The following REV3L variants were observed in gnomAD, a reference collection of about 807,000 sequenced individuals.
REV3L encodes the protein REV3 like, DNA directed polymerase zeta catalytic subunit, also known as DNA polymerase zeta catalytic subunit.
Under a neutral mutation model 299.4 loss-of-function variants are expected in REV3L, and 69 were observed. The observed-to-expected ratio is 0.23, with a 90% CI of 0.19 to 0.28. REV3L has a LOEUF of 0.28. Among genes scored for constraint, REV3L ranks in the 10% least tolerant of loss-of-function variants. The pLI, the probability that REV3L is intolerant of heterozygous loss-of-function variation, is 1.00. For missense variants in REV3L, 3,128 were observed against 3,693.8 expected (o/e 0.85, Z 3.97); for synonymous variants, 1,238 against 1,271.4 (o/e 0.97, Z 0.56).
chr6:111,445,084 C>T (rs889122735), intron 1 of REV3L, among the ~76,000 whole-genome samples: 7 of 152,198 alleles, frequency 4.6e-5, no homozygotes, highest in South Asian at 2.1e-4. Flanking sequence ...AAGAAGCTCT[C>T]GGCATGTGGC....
chr6:111,362,628 G>A (rs1778809885), intron 16 of REV3L, among the ~76,000 whole-genome samples: 1 of 152,054 alleles, frequency 6.6e-6, no homozygotes, highest in African/African-American at 2.4e-5. Flanking sequence ...CTTTCAACAT[G>A]TAATCAATAT....
chr6:111,379,505 T>C (rs905435988), intron 11 of REV3L, among the ~76,000 whole-genome samples: 2 of 152,228 alleles, frequency 1.3e-5, no homozygotes, highest in Non-Finnish European at 1.5e-5. Context: ...TTCATTTATT[T>C]TGAGAAACAA....
At chr6:111,404,028 G>A (rs1783362933) in intron 4 of REV3L, among the ~76,000 whole-genome samples, 1 of 152,134 alleles carries the variant, frequency 6.6e-6, no homozygotes, top group African/African-American at 2.4e-5. Flanking sequence ...TGATGAAGGT[G>A]GATACACTAA....
chr6:111,356,949 TATC>T (rs1778153670), intron 18 of REV3L, 62 bp downstream of exon 18: 3 of 766,550 alleles, frequency 3.9e-6, no homozygotes, highest in Non-Finnish European at 6.3e-6. Context: ...TCTTCACTAT[TATC>T]TGCAATAGCA....
rs767275047 is a variant in REV3L, at chr6:111,358,975, G to A, written c.6919C>T (p.Arg2307Ter). ...TCCGGTTCTAAGTCTCGTCTAGTTC[G>A]AGCATGCAACTCCACACTGATTAGG... is the stretch of plus-strand genomic sequence containing the variant. The part of the protein sequence containing the change: ...LTLISVELHA[R>*]TRRDLEPDPE... The change falls in exon 17 of 32, where the codon CGA becomes TGA. Residue 2307 changes from arginine (R) to a stop codon, truncating the protein, a stop_gained. Coordinates refer to ENST00000368802, the MANE Select transcript of REV3L (RefSeq NM_001372078.1). LOFTEE classifies it high-confidence loss of function. 1 of 1,613,962 alleles carries A rather than the reference G, an allele frequency of 6.2e-7. No homozygotes were observed. The highest frequency in any genetic ancestry group is 8.5e-7 in the Non-Finnish European group (1 of 1,179,936).
At chr6:111,466,207 C>G (rs1170787158) in intron 1 of REV3L, among the ~76,000 whole-genome samples, 2 of 152,002 alleles carry the variant, frequency 1.3e-5, no homozygotes, top group South Asian at 2.1e-4. Context: ...GGGAAAAAAA[C>G]CTGATTCTTC....
chr6:111,375,930 T>C lies in REV3L; in HGVS notation c.2425A>G (p.Thr809Ala). The C allele has an allele frequency of 6.2e-7, 1 of 1,614,010 alleles. No individual in the cohort carries two copies. The change falls in exon 13 of 32, where the codon ACT becomes GCT. Residue 809 changes from threonine to alanine, a missense_variant. Physicochemically the swap from Thr to Ala is moderately conservative, Grantham distance 58. Coordinates refer to ENST00000368802, the MANE Select transcript of REV3L (RefSeq NM_001372078.1). The part of the protein sequence containing the change: ...FPSVVLSNCL[T>A]RPQKLSPVTY... ...ACAGGAGATAGTTTCTGTGGTCTAG[T>C]AAGACAGTTAGAAAGAACAACACTG...
intron 20 of REV3L, among the ~76,000 whole-genome samples, chr6:111,345,670 C>A (rs1453541686): frequency 6.6e-6 from 1 of 152,118 alleles, no homozygotes; most frequent in Non-Finnish European, 1.5e-5. Context: ...CCCCTTGATG[C>A]TCTGACCTCT....
chr6:111,387,616 A>C (rs1781475341), intron 9 of REV3L, 149 bp downstream of exon 9: 1 of 641,340 alleles, frequency 1.6e-6, no homozygotes, highest in African/African-American at 1.8e-5. Context: ...GAGATGTAGA[A>C]AGGGTGACAG....
At chr6:111,444,037 A>G (rs1190922926) in intron 1 of REV3L, among the ~76,000 whole-genome samples, 1 of 152,240 alleles carries the variant, frequency 6.6e-6, no homozygotes, top group Non-Finnish European at 1.5e-5. Context: ...CCTCTATAAA[A>G]TATGGGCAAA....
chr6:111,329,865 A>G, intron 24 of REV3L, 127 bp from the exon 25 acceptor site: 1 of 695,920 alleles, frequency 1.4e-6, no homozygotes, highest in East Asian at 2.7e-5. Context: ...CAGAGTGACC[A>G]TAGTATTAGT....
chr6:111,465,757 A>C (rs865942628), intron 1 of REV3L, among the ~76,000 whole-genome samples: 4 of 121,288 alleles, frequency 3.3e-5, no homozygotes, highest in Non-Finnish European at 6.2e-5. Flanking sequence ...AAAAAAAAAA[A>C]AAAAAAAAAC....
At chr6:111,379,662 C>A (rs1260595456) in intron 11 of REV3L, among the ~76,000 whole-genome samples, 1 of 152,228 alleles carries the variant, frequency 6.6e-6, no homozygotes, top group African/African-American at 2.4e-5. Context: ...TCAACTATCA[C>A]AGGGCATTCT....
chr6:111,355,376 G>A (rs1336376447), intron 18 of REV3L, among the ~76,000 whole-genome samples: 1 of 152,094 alleles, frequency 6.6e-6, no homozygotes, highest in Non-Finnish European at 1.5e-5. Flanking sequence ...ATTCAAGACA[G>A]AAACACAGTG....
Position 111,411,552 on chromosome 6 carries a change from G to T in REV3L, c.332C>A (p.Pro111His). ...VFKVSLVSGM[P>H]FYGYHEKERH... ...TTCCTTCTCATGATAACCATAAAAA[G>T]GCCTGAAATATAAGAAAAAAAATTT... is the stretch of plus-strand genomic sequence containing the variant. Residue 111 changes from proline (P) to histidine (H), a missense_variant and splice_region_variant, in exon 3 of 32, where the codon CCT (proline) becomes CAT (histidine). By Grantham distance (77) the Pro-to-His change is moderately conservative. Around this residue, in one of 9 missense-constraint regions of REV3L, gnomAD observed 2,409 missense variants for 2,611.8 expected, o/e 0.92. Transcript: ENST00000368802. The T allele has an allele frequency of 6.5e-7, 1 of 1,549,194 alleles. No homozygotes were observed. The highest frequency in any genetic ancestry group is 8.8e-7 in the Non-Finnish European group (1 of 1,135,118).
intron 1 of REV3L, among the ~76,000 whole-genome samples, chr6:111,462,556 T>C (rs7750792): frequency 0.4 from 61,120 of 151,952 alleles, 14,879 homozygotes; most frequent in Non-Finnish European, 0.54. Context: ...GCTATAAACA[T>C]ATGGAAAAAC....
In REV3L at chr6:111,430,387, ATGAC is replaced by A; in HGVS notation, c.140-13919_140-13916del. 5.3e-6 allele frequency: 7 copies of A among 1,312,872 alleles called. No homozygotes were observed. In the African/African-American group the frequency reaches 8.7e-5, roughly 16 times the overall value. 81.3% of individuals were successfully genotyped at this position (1,312,872 alleles called of 1,614,324 possible). ...TAAATGAAAGAAAAGATCAAGAACAATGACTACCAGTCCATAGAAAAACTAAAGG... is the reference window on the plus strand; with the variant it reads ...TAAATGAAAGAAAAGATCAAGAACAATACCAGTCCATAGAAAAACTAAAGG... On this transcript the variant is annotated intron_variant, in intron 1 of 31. Coordinates refer to ENST00000368802, the MANE Select transcript of REV3L (RefSeq NM_001372078.1).
intron 1 of REV3L, among the ~76,000 whole-genome samples, chr6:111,475,004 C>CAT (rs1792753335): frequency 6.6e-6 from 1 of 151,762 alleles, no homozygotes; most frequent in Admixed American, 6.6e-5. Flanking sequence ...CACACACACA[C>CAT]ACACACACAC....
At chr6:111,341,072 T>C (rs1776435399) in intron 21 of REV3L, among the ~76,000 whole-genome samples, 1 of 144,542 alleles carries the variant, frequency 6.9e-6, no homozygotes, top group African/African-American at 2.5e-5. Flanking sequence ...AGTCTTGCTG[T>C]GTCGCCCAGA....
Sources: allele counts gnomAD v4.1 joint callset (sites outside exome capture counted in the v4.1 genomes callset), GRCh38; gene constraint gnomAD v4.1.1; regional missense constraint gnomAD v4.1.1; transcripts MANE v1.5; gene names NCBI Gene and HGNC (gene_info 2026-07-23, HGNC 2026-07-21).